The following PP2D1 variants were observed in gnomAD, a reference collection of about 807,000 sequenced individuals.
PP2D1 encodes the protein protein phosphatase 2C-like domain-containing protein 1.
PP2D1 carries 25 observed loss-of-function variants against 30.2 expected under a neutral mutation model. That is an observed-to-expected ratio of 0.83 (90% CI 0.60 to 1.16). PP2D1 has a LOEUF of 1.16. Ranked by LOEUF, PP2D1 falls within the 50% of genes most tolerant of loss-of-function variation. PP2D1 has a pLI of 0.00. For synonymous variants in PP2D1, 260 were observed against 258.9 expected (o/e 1.00, Z -0.04); for missense variants, 760 against 742.4 (o/e 1.02, Z -0.28).
intron 2 of PP2D1, among the ~76,000 whole-genome samples, chr3:20,000,060 TCTCTGC>T (rs1327469762): frequency 6.6e-6 from 1 of 152,144 alleles, no homozygotes; most frequent in Non-Finnish European, 1.5e-5. Context: ...TGCAACACTG[TCTCTGC>T]CACAAAGTCC....
intron 1 of PP2D1, among the ~76,000 whole-genome samples, chr3:20,004,623 A>C (rs1697295956): frequency 6.6e-6 from 1 of 152,190 alleles, no homozygotes; most frequent in African/African-American, 2.4e-5. Context: ...TGGATGATAT[A>C]TTTCTGGAAA....
At chr3:19,983,666 T>G, downstream of PP2D1, 4 of 1,275,108 alleles carry the variant, frequency 3.1e-6, no homozygotes, top group Non-Finnish European at 4.5e-6. Context: ...GATATTAATA[T>G]GAGTATTCAA....
chr3:20,001,163 C>A lies in PP2D1; in HGVS notation c.957G>T (p.Leu319Phe). 6.8e-7 allele frequency: 1 copy of A among 1,480,170 alleles called. No individual in the cohort carries two copies. The highest frequency in any genetic ancestry group is 8.9e-7 in the Non-Finnish European group (1 of 1,120,294). The allele number at this position is 1,480,170 out of a possible 1,614,324, so 91.7% of individuals were successfully genotyped here. ...CATAAGGACTTTTAGGTTTGCCTTC[C>A]AATATACAAGTAACTGCAGAGCAGC... is the stretch of plus-strand genomic sequence containing the variant. ...WSGCSAVTCI[L>F]EGKPKSPYAH... Residue 319 changes from leucine to phenylalanine, a missense_variant, in exon 2 of 3, where the codon TTG becomes TTT. Physicochemically the swap from Leu to Phe is conservative, Grantham distance 22 (BLOSUM62 0). Coordinates refer to ENST00000389050, the MANE Select transcript of PP2D1 (RefSeq NM_001252657.2).
intron 2 of PP2D1, among the ~76,000 whole-genome samples, chr3:19,995,641 GTCAA>G (rs1159515650): frequency 3.3e-5 from 5 of 152,164 alleles, no homozygotes; most frequent in Admixed American, 1.3e-4. Flanking sequence ...TAAGTGAAAA[GTCAA>G]TCAATTGAAA....
chr3:19,997,071 A>G (rs1224762402), intron 2 of PP2D1: 1 of 152,164 alleles, frequency 6.6e-6, no homozygotes, highest in Non-Finnish European at 1.5e-5. Context: ...ATATCTCAAC[A>G]GAAGAAAGGC....
intron 2 of PP2D1, among the ~76,000 whole-genome samples, chr3:19,987,714 A>G (rs1482924822): frequency 6.6e-6 from 1 of 152,210 alleles, no homozygotes; most frequent in Non-Finnish European, 1.5e-5. Context: ...GTTTGAGACC[A>G]GCTGGGGCAA....
At chr3:20,011,982 A>G (rs1697393685) in intron 1 of PP2D1, 68 bp downstream of exon 1, 2 of 1,276,606 alleles carry the variant, frequency 1.6e-6, no homozygotes, top group East Asian at 5.1e-5. Context: ...AGTGGAAGAA[A>G]AAAATACTGT....
At chr3:19,997,880 G>C (rs1295135482) in intron 2 of PP2D1, among the ~76,000 whole-genome samples, 6 of 152,030 alleles carry the variant, frequency 3.9e-5, no homozygotes. Context: ...GGGGCAGGAC[G>C]AGATAAAGTA....
At chr3:20,008,084 A>C (rs1389107080) in intron 1 of PP2D1, 1 of 162,010 alleles carries the variant, frequency 6.2e-6, no homozygotes, top group African/African-American at 2.4e-5. Flanking sequence ...GCATCTATCC[A>C]AGTGTAGGTC....
chr3:19,982,423 T>G (rs190051401), downstream of PP2D1, among the ~76,000 whole-genome samples: 1 of 152,324 alleles, frequency 6.6e-6, no homozygotes, highest in Non-Finnish European at 1.5e-5. Context: ...GGCATCTAAC[T>G]TGGGTGTTAT....
Sources: allele counts gnomAD v4.1 joint callset (sites outside exome capture counted in the v4.1 genomes callset), GRCh38; gene constraint gnomAD v4.1.1; transcripts MANE v1.5; gene names NCBI Gene and HGNC (gene_info 2026-07-23, HGNC 2026-07-21).